The following JHY variants were observed in gnomAD, a reference collection of about 807,000 sequenced individuals.
JHY encodes jhy protein homolog.
A neutral mutation model predicts 78.0 loss-of-function variants in JHY; 69 were observed. The observed-to-expected ratio is 0.88, with a 90% CI of 0.73 to 1.08. The LOEUF (loss-of-function observed/expected upper bound fraction) is 1.08, where lower values mean the gene tolerates loss of function less well. Among genes scored for constraint, JHY ranks in the 50% least tolerant of loss-of-function variants. The pLI is 0.00. For missense variants in JHY, 944 were observed against 927.8 expected, an observed-to-expected ratio of 1.02 and a Z score of -0.23; for synonymous variants, 368 against 342.6, an observed-to-expected ratio of 1.07 and a Z score of -0.82.
intron 4 of JHY, among the ~76,000 whole-genome samples, chr11:122,927,733 CTTTTTTTTTTT>C (rs113552516): frequency 2.1e-5 from 3 of 140,220 alleles, no homozygotes. Flanking sequence ...TTTCTTTTTT[CTTTTTTTTTTT>C]TTTGAGACGG....
At chr11:122,925,927 G>T (rs1190344028) in intron 4 of JHY, among the ~76,000 whole-genome samples, 1 of 151,908 alleles carries the variant, frequency 6.6e-6, no homozygotes, top group African/African-American at 2.4e-5. Flanking sequence ...TGAGGCAGGA[G>T]AATCACTTGA....
At position 122,957,350 on chromosome 11, in the gene JHY, T is replaced by C; in HGVS notation, c.2011-13T>C. The C allele has an allele frequency of 1.3e-6, 2 of 1,513,036 alleles. No individual in the cohort carries two copies. The highest frequency in any genetic ancestry group is 1.5e-5 in the African/African-American group (1 of 68,244). The allele number at this position is 1,513,036 out of a possible 1,614,324, so 93.7% of individuals were successfully genotyped here. The stretch of plus-strand genomic sequence containing the variant: ...AGCACCTGGATTCATCATAACTTTG[T>C]TTCTCTGAACAGACGCAAAAATTAA... On this transcript the variant is annotated splice_polypyrimidine_tract_variant and intron_variant, in intron 7 of 8. Coordinates refer to ENST00000227349, the MANE Select transcript of JHY (RefSeq NM_024806.4).
chr11:122,910,331 C>T (rs996681425), intron 3 of JHY, among the ~76,000 whole-genome samples: 4 of 151,894 alleles, frequency 2.6e-5, no homozygotes, highest in South Asian at 2.1e-4. Context: ...AAAAATTAGC[C>T]GGGCATCGTG....
At chr11:122,947,603 A>G (rs3816621) in intron 6 of JHY, 74,612 of 152,054 alleles carry the variant, frequency 0.49, 18,626 homozygotes, top group Middle Eastern at 0.55. Flanking sequence ...ATAAGAAAAA[A>G]GCTGGAAATG....
At chr11:122,888,786 T>A (rs1228621830) in intron 2 of JHY, among the ~76,000 whole-genome samples, 4 of 152,204 alleles carry the variant, frequency 2.6e-5, no homozygotes, top group African/African-American at 9.7e-5. Context: ...TCATAGGTGA[T>A]CTATAATTAG....
At chr11:122,912,918 G>A (rs1863162608) in intron 3 of JHY, among the ~76,000 whole-genome samples, 1 of 152,106 alleles carries the variant, frequency 6.6e-6, no homozygotes, top group African/African-American at 2.4e-5. Flanking sequence ...CAGACACTCA[G>A]TGAAGAGAAG....
chr11:122,958,500 C>T (rs1325622251), intron 8 of JHY, among the ~76,000 whole-genome samples: 1 of 151,890 alleles, frequency 6.6e-6, no homozygotes, highest in East Asian at 1.9e-4. Flanking sequence ...GTAGCATTCA[C>T]CTACATGCAC....
intron 4 of JHY, among the ~76,000 whole-genome samples, chr11:122,926,782 A>G (rs771306822): frequency 3.3e-5 from 5 of 152,232 alleles, no homozygotes; most frequent in Non-Finnish European, 7.3e-5. Context: ...TTGATTCATG[A>G]CTGGGCAAAT....
At chr11:122,942,323 GT>G (rs749191929) in intron 5 of JHY, among the ~76,000 whole-genome samples, 74 of 152,034 alleles carry the variant, frequency 4.9e-4, no homozygotes, top group Non-Finnish European at 9.4e-4. Flanking sequence ...GTTCCTCTAT[GT>G]TTTGGTTTTG....
intron 2 of JHY, among the ~76,000 whole-genome samples, chr11:122,887,215 T>C (rs758911744): frequency 3.8e-4 from 58 of 152,224 alleles, no homozygotes; most frequent in Non-Finnish European, 6.9e-4. Flanking sequence ...TCTTCATCAG[T>C]AAAAATGGGA....
intron 5 of JHY, among the ~76,000 whole-genome samples, chr11:122,939,051 G>T (rs539676987): frequency 6.7e-6 from 1 of 149,758 alleles, no homozygotes; most frequent in African/African-American, 2.5e-5. Context: ...GCAGTGGCAC[G>T]ATCTCAGCTC....
chr11:122,958,321 T>G (rs1420716485), intron 8 of JHY, among the ~76,000 whole-genome samples: 1 of 152,220 alleles, frequency 6.6e-6, no homozygotes, highest in Non-Finnish European at 1.5e-5. Context: ...GTACTTCATG[T>G]TCTCTTTCAC....
At chr11:122,950,724 C>T (rs1273670817) in intron 6 of JHY, among the ~76,000 whole-genome samples, 1 of 152,154 alleles carries the variant, frequency 6.6e-6, no homozygotes, top group African/African-American at 2.4e-5. Context: ...TTTTCCTTTC[C>T]CCTTCTTTTA....
intron 7 of JHY, 29 bp downstream of exon 7, chr11:122,956,605 A>G: frequency 6.3e-7 from 1 of 1,591,644 alleles, no homozygotes; most frequent in Non-Finnish European, 8.6e-7. Flanking sequence ...CAGTGTTTCC[A>G]GACCTGACTC....
At chr11:122,958,998 G>A (rs1864249145) in intron 8 of JHY, 5 of 985,170 alleles carry the variant, frequency 5.1e-6, no homozygotes, top group Non-Finnish European at 6.0e-6. Flanking sequence ...TATGACAAAA[G>A]CATCCAAAGG....
Position 122,934,705 on chromosome 11 carries a change from A to C in JHY, c.1264A>C (p.Asn422His). The change falls in exon 5 of 9, where the codon AAT becomes CAT. Residue 422 changes from asparagine (N) to histidine (H), a missense_variant. Transcript: ENST00000227349. Reference sequence around the variant, plus strand: ...GATTGTGATTATGCATGCCTCTAACAATGATGTACAAGCCTCAAGGGCACT... The same window carrying C: ...GATTGTGATTATGCATGCCTCTAACCATGATGTACAAGCCTCAAGGGCACT... ...ESIVIMHASN[N>H]DVQASRALRS... The C allele has an allele frequency of 6.2e-7, 1 of 1,614,154 alleles. No individual in the cohort carries two copies. Among genetic ancestry groups the C allele is most frequent in the Non-Finnish European group, 8.5e-7 (1 of 1,180,038 alleles).
chr11:122,959,209 C>A, intron 8 of JHY, 39 bp from the exon 9 acceptor site: 1 of 1,577,686 alleles, frequency 6.3e-7, no homozygotes, highest in Non-Finnish European at 8.6e-7. Context: ...TCCAGGCTCA[C>A]TTCCCATTTC....
In JHY at chr11:122,963,569, A is replaced by G. The variant is rs980788859; in HGVS notation, c.*4124A>G. 6.6e-6 allele frequency among the ~76,000 whole-genome samples: 1 copy of G among 152,298 alleles called. No homozygotes were observed. Among genetic ancestry groups the G allele is most frequent in the East Asian group, 1.9e-4 (1 of 5,190 alleles). On this transcript the variant is annotated 3_prime_UTR_variant, in exon 9 of 9. Transcript: ENST00000227349. The stretch of plus-strand genomic sequence containing the variant: ...CTAAGGGGAGAGATTTTGCAAAAAC[A>G]GGGAGTGACAGACACGTTTTTTGCT...
chr11:122,884,495 A>G (rs1197132843), intron 1 of JHY, among the ~76,000 whole-genome samples: 1 of 152,176 alleles, frequency 6.6e-6, no homozygotes, highest in East Asian at 1.9e-4. Context: ...CCAAAATAGA[A>G]ATGCTAGGTA....
Sources: gnomAD v4.1 joint callset for allele counts (sites outside exome capture counted in the v4.1 genomes callset) on GRCh38, gnomAD v4.1.1 for gene constraint, MANE v1.5 for transcripts, NCBI Gene and HGNC (gene_info 2026-07-23, HGNC 2026-07-21) for gene names.